The following CPED1 variants were observed in gnomAD, a reference collection of about 807,000 sequenced individuals.
CPED1 encodes cadherin like and PC-esterase domain containing 1.
A neutral mutation model predicts 128.2 loss-of-function variants in CPED1; 114 were observed. That is an observed-to-expected ratio of 0.89 (90% CI 0.76 to 1.04). CPED1 has a LOEUF of 1.04. Ranked by LOEUF, CPED1 falls within the 50% of genes least tolerant of loss-of-function variation. The probability of loss-of-function intolerance (pLI) is 0.00; values close to 1 mark genes in which losing one functional copy is unlikely to be tolerated. For synonymous variants in CPED1, 462 were observed against 426.7 expected (o/e 1.08, Z -1.02); for missense variants, 1,211 against 1,207.1 (o/e 1.00, Z -0.05).
intron 17 of CPED1, among the ~76,000 whole-genome samples, chr7:121,240,431 GC>G (rs1156505538): frequency 6.6e-6 from 1 of 152,112 alleles, no homozygotes; most frequent in Non-Finnish European, 1.5e-5. Context: ...ACACATTTAT[GC>G]CCTCAACATA....
At chr7:121,212,606 A>G (rs1425197421) in intron 16 of CPED1, among the ~76,000 whole-genome samples, 2 of 152,040 alleles carry the variant, frequency 1.3e-5, no homozygotes, top group Admixed American at 1.3e-4. Context: ...GTGTTTACAT[A>G]TCTGTTTTCT....
intron 5 of CPED1, among the ~76,000 whole-genome samples, chr7:121,094,315 TA>T (rs1794646527): frequency 6.6e-6 from 1 of 152,158 alleles, no homozygotes. Flanking sequence ...CCCTATTAAT[TA>T]TTAGTTGTAA....
chr7:121,167,756 G>A (rs1796565779), intron 16 of CPED1, among the ~76,000 whole-genome samples: 2 of 139,004 alleles, frequency 1.4e-5, no homozygotes, highest in African/African-American at 5.6e-5. Flanking sequence ...TTTTGAGATG[G>A]AGTCTCGCTC....
intron 16 of CPED1, among the ~76,000 whole-genome samples, chr7:121,145,021 G>T (rs139524546): frequency 2.0e-5 from 3 of 151,426 alleles, no homozygotes; most frequent in Admixed American, 6.6e-5. Context: ...TCTGGGTGCT[G>T]GTTACATATA....
At position 121,143,071 on chromosome 7, in the gene CPED1, G is replaced by A. The variant is rs573237424; in HGVS notation, c.2055+930G>A. Among the ~76,000 whole-genome samples the A allele has an allele frequency of 5.3e-5, 8 of 151,870 alleles. No homozygotes were observed. The South Asian group carries it at 8.3e-4, about 16-fold the overall frequency. On this transcript the variant is annotated intron_variant, in intron 16 of 22. Transcript: ENST00000310396. ...TTTCCAAGAGCTTTAAAAATCTCAG[G>A]GATTGGTATAATTTTTATTTTTTGA...
chr7:121,072,839 C>T (rs900396819), intron 5 of CPED1, among the ~76,000 whole-genome samples: 2 of 152,128 alleles, frequency 1.3e-5, no homozygotes, highest in South Asian at 2.1e-4. Flanking sequence ...ACATTTCATA[C>T]GAAAAATTTA....
chr7:121,139,493 C>A (rs1321328111), intron 14 of CPED1, among the ~76,000 whole-genome samples: 1 of 151,516 alleles, frequency 6.6e-6, no homozygotes, highest in East Asian at 1.9e-4. Flanking sequence ...TTGGTGGTAC[C>A]CATCGTCATG....
intron 1 of CPED1, chr7:120,989,139 G>T: frequency 6.3e-6 from 1 of 158,656 alleles, no homozygotes; most frequent in Non-Finnish European, 1.4e-5. Context: ...AGGCAACCTG[G>T]CCTGAGTTCA....
At chr7:121,284,679 C>A (rs1792529919) in intron 22 of CPED1, among the ~76,000 whole-genome samples, 1 of 152,220 alleles carries the variant, frequency 6.6e-6, no homozygotes, top group Admixed American at 6.5e-5. Flanking sequence ...CTTAAAGTTA[C>A]AAAATGATCT....
At chr7:121,182,056 A>G (rs1031206397) in intron 16 of CPED1, among the ~76,000 whole-genome samples, 5 of 152,236 alleles carry the variant, frequency 3.3e-5, no homozygotes, top group South Asian at 2.1e-4. Flanking sequence ...TACTTCCCTC[A>G]TAAAACTTTT....
intron 3 of CPED1, among the ~76,000 whole-genome samples, chr7:121,033,959 C>T (rs557828617): frequency 1.3e-5 from 2 of 152,166 alleles, no homozygotes; most frequent in South Asian, 4.2e-4. Flanking sequence ...AATGTTAACC[C>T]AGATATGATG....
rs1416275955 is a variant in CPED1 at position 121,297,011 on chromosome 7, T to A, written c.*1359T>A. ...TTTAAATACTCTATTTTTATATATA[T>A]TTTTATATGAAGATAAACATGAATT... On this transcript the variant is annotated 3_prime_UTR_variant, in exon 23 of 23. Transcript: ENST00000310396. 2 of 152,030 alleles carry A rather than the reference T, an allele frequency of 1.3e-5. No homozygotes were observed. The highest frequency in any genetic ancestry group is 2.9e-5 in the Non-Finnish European group (2 of 67,940). 9.4% of individuals were successfully genotyped at this position (152,030 alleles called of 1,614,324 possible). A position where few individuals can be genotyped will look rare whatever the true frequency, so the allele number is the denominator to read the frequency against.
At chr7:121,010,732 C>T (rs1301832698) in intron 2 of CPED1, among the ~76,000 whole-genome samples, 1 of 152,070 alleles carries the variant, frequency 6.6e-6, no homozygotes, top group African/African-American at 2.4e-5. Flanking sequence ...ATGTGTAGCC[C>T]TCCCATCATC....
At chr7:121,166,157 G>C (rs907839680) in intron 16 of CPED1, among the ~76,000 whole-genome samples, 3 of 151,966 alleles carry the variant, frequency 2.0e-5, no homozygotes, top group Non-Finnish European at 4.4e-5. Context: ...CATTTCACCA[G>C]AAGACCACAT....
chr7:121,240,021 C>T (rs1798350591), intron 17 of CPED1, among the ~76,000 whole-genome samples: 1 of 152,134 alleles, frequency 6.6e-6, no homozygotes. Flanking sequence ...AGATGTTATA[C>T]AGATGCCTAT....
intron 16 of CPED1, among the ~76,000 whole-genome samples, chr7:121,207,698 G>C (rs188793289): frequency 1.2e-3 from 176 of 152,154 alleles, no homozygotes; most frequent in Admixed American, 3.0e-3. Context: ...TCTGTGTACT[G>C]TGTAGGTTTT....
chr7:121,117,541 C>T (rs558797799), intron 7 of CPED1, among the ~76,000 whole-genome samples: 7 of 151,626 alleles, frequency 4.6e-5, no homozygotes, highest in African/African-American at 1.7e-4. Flanking sequence ...TTTTTTCCTT[C>T]TAAATCACCT....
At chr7:121,138,027 C>A (rs1795821999) in intron 14 of CPED1, among the ~76,000 whole-genome samples, 1 of 151,952 alleles carries the variant, frequency 6.6e-6, no homozygotes, top group Admixed American at 6.6e-5. Flanking sequence ...ACTTTAACTT[C>A]GTTCATGTTT....
rs1022617483 is a variant in CPED1 at position 121,117,167 on chromosome 7, C to T, written c.919-7164C>T. On this transcript the variant is annotated intron_variant, in intron 7 of 22. Transcript: ENST00000310396. ...CCAGGCTGGAGTGCAGTGGCATGAT[C>T]TCAGCTCACTGCAACCTCTGCCTCC... Among the ~76,000 whole-genome samples the T allele has an allele frequency of 2.7e-5, 4 of 149,458 alleles. No individual in the cohort carries two copies. In the South Asian group the frequency reaches 8.4e-4, roughly 31 times the overall value.
Sources: allele counts gnomAD v4.1 joint callset (sites outside exome capture counted in the v4.1 genomes callset), GRCh38; gene constraint gnomAD v4.1.1; transcripts MANE v1.5; gene names NCBI Gene and HGNC (gene_info 2026-07-23, HGNC 2026-07-21).